The following BRCA1 variants were observed in gnomAD, a reference collection of about 807,000 sequenced individuals.
BRCA1 encodes the protein BRCA1 DNA repair associated.
BRCA1 carries 140 observed loss-of-function variants against 173.7 expected under a neutral mutation model. That is an observed-to-expected ratio of 0.81 (90% CI 0.70 to 0.93). The LOEUF is 0.93. Ranked by LOEUF, BRCA1 falls within the 40% of genes least tolerant of loss-of-function variation. The pLI is 0.00. For synonymous variants in BRCA1, 662 were observed against 756.0 expected, an observed-to-expected ratio of 0.88 and a Z score of 2.04; for missense variants, 1,983 against 2,172.5, an observed-to-expected ratio of 0.91 and a Z score of 1.73.
chr17:43,051,700 G>A (rs188741493), intron 19 of BRCA1, among the ~76,000 whole-genome samples: 6 of 151,080 alleles, frequency 4.0e-5, no homozygotes, highest in African/African-American at 1.2e-4. Context: ...GTAGTGGTGC[G>A]ATCTGGGCTC....
rs80357142 is a variant in BRCA1, at chr17:43,097,265, A to T, written c.572T>A (p.Val191Asp). Residue 191 changes from valine to aspartate, a missense_variant, in exon 8 of 23, where the codon GTT becomes GAT. By Grantham distance (152) the Val-to-Asp change is radical. Coordinates refer to ENST00000357654, the MANE Select transcript of BRCA1 (RefSeq NM_007294.4). Reference sequence around the variant, plus strand: ...TCACCTGCAATAAGTTGCCTTATTAACGGTATCTTCAGAAGAATCAGATCC... The same window carrying T: ...TCACCTGCAATAAGTTGCCTTATTATCGGTATCTTCAGAAGAATCAGATCC... ...ELGSDSSEDT[V>D]NKATYCSVGD... 1.2e-6 allele frequency: 2 copies of T among 1,613,882 alleles called. No individual in the cohort carries two copies. Among genetic ancestry groups the T allele is most frequent in the Non-Finnish European group, 1.7e-6 (2 of 1,179,870 alleles).
Position 43,051,086 on chromosome 17 carries a change from C to A in BRCA1, c.5309G>T (p.Gly1770Val), listed in dbSNP as rs863224765. ...ACCTGTGGGCATGTTGGTGAAGGGC[C>A]CATAGCAACAGATTTCTAGCCCCCT... Reference protein sequence around the residue: ...IFRGLEICCYGPFTNMPTDQL... With the variant: ...IFRGLEICCYVPFTNMPTDQL... The change falls in exon 20 of 23, where the codon GGG (glycine) becomes GTG (valine). Residue 1770 changes from glycine (G) to valine (V), a missense_variant. Transcript: ENST00000357654. 1.2e-6 allele frequency: 2 copies of A among 1,613,796 alleles called. No individual in the cohort carries two copies. The highest frequency in any genetic ancestry group is 1.1e-5 in the South Asian group (1 of 91,068).
chr17:43,127,154 C>G (rs189361338), upstream of BRCA1, among the ~76,000 whole-genome samples: 307 of 152,370 alleles, frequency 2.0e-3, 2 homozygotes, highest in African/African-American at 7.2e-3. Context: ...GGCACCGCCC[C>G]CTGCTCCTCA....
chr17:43,066,495 C>T (rs1350134762), intron 16 of BRCA1, among the ~76,000 whole-genome samples: 1 of 152,120 alleles, frequency 6.6e-6, no homozygotes, highest in African/African-American at 2.4e-5. Flanking sequence ...ACTGCAACCT[C>T]AGCCTCCAGA....
At position 43,071,012 on chromosome 17, in the gene BRCA1, C is replaced by T. The variant is rs746199881; in HGVS notation, c.4902G>A (p.Arg1634=). Residue 1634 remains arginine, a synonymous_variant, in exon 15 of 23, where the codon AGG becomes AGA. Transcript: ENST00000357654. ...GYNAMEESVS[R]EKPELTASTE... ...TTGAAGCTGTCAATTCTGGCTTCTC[C>T]CTGCTCACACTTTCTTCCATTGCAT... 1.2e-6 allele frequency: 2 copies of T among 1,614,202 alleles called. No homozygotes were observed. The highest frequency in any genetic ancestry group is 1.3e-5 in the African/African-American group (1 of 75,040).
chr17:43,154,856 G>A (rs2056186868), intron 1 of BRCA1, among the ~76,000 whole-genome samples: 1 of 151,782 alleles, frequency 6.6e-6, no homozygotes, highest in African/African-American at 2.4e-5. Context: ...AACAGGTAGT[G>A]TAATATGTAT....
intron 3 of BRCA1, among the ~76,000 whole-genome samples, chr17:43,115,169 A>G (rs1030163832): frequency 7.9e-5 from 12 of 152,202 alleles, no homozygotes; most frequent in African/African-American, 2.9e-4. Context: ...TGGACACAAA[A>G]AATACAAAAC....
At chr17:43,100,223 T>G (rs960972887) in intron 6 of BRCA1, among the ~76,000 whole-genome samples, 3 of 152,066 alleles carry the variant, frequency 2.0e-5, no homozygotes, top group African/African-American at 7.2e-5. Flanking sequence ...AATTTTTTTT[T>G]CTGTTGTCTT....
chr17:43,054,678 T>C lies in BRCA1; in HGVS notation c.5277+2374A>G, dbSNP rs528383360. Among the ~76,000 whole-genome samples, 28 of 152,066 alleles carry C rather than the reference T, an allele frequency of 1.8e-4. No individual in the cohort carries two copies. The South Asian group carries it at 5.4e-3, about 29-fold the overall frequency. The stretch of plus-strand genomic sequence containing the variant: ...CTAGTCTTGAACTCCTGGGCTCAAG[T>C]GATCCTCCTGCCTTGGCCTCCTAAA... On this transcript the variant is annotated intron_variant, in intron 19 of 22. Transcript: ENST00000357654.
intron 1 of BRCA1, chr17:43,153,590 CTCTT>C (rs1178275394): frequency 6.7e-6 from 1 of 148,888 alleles, no homozygotes; most frequent in African/African-American, 2.5e-5. Flanking sequence ...GGTAACTTAA[CTCTT>C]TGTTCAGGGC....
At chr17:43,079,816 T>G (rs1334520379) in intron 12 of BRCA1, 7 of 748,776 alleles carry the variant, frequency 9.3e-6, no homozygotes, top group Non-Finnish European at 1.6e-5. Context: ...ACCTTTGGAC[T>G]GTAAAAAAAA....
Position 43,091,943 on chromosome 17 carries a change from T to C in BRCA1, c.3588A>G (p.Thr1196=), listed in dbSNP as rs876658595. Residue 1196 remains threonine (T), a synonymous_variant, in exon 10 of 23, where the codon ACA becomes ACG. Coordinates refer to ENST00000357654, the MANE Select transcript of BRCA1 (RefSeq NM_007294.4). Reference sequence around the variant, plus strand: ...CTCTTCGGTAACCCTGAGCCAAATGTGTATGGGTGAAAGGGCTAGGACTCC... The same window carrying C: ...CTCTTCGGTAACCCTGAGCCAAATGCGTATGGGTGAAAGGGCTAGGACTCC... The part of the protein sequence containing the change: ...LSRSPSPFTH[T]HLAQGYRRGA... 3 of 1,614,002 alleles carry C rather than the reference T, an allele frequency of 1.9e-6. No homozygotes were observed. In the African/African-American group the frequency reaches 4.0e-5, roughly 22 times the overall value.
At chr17:43,052,780 AACACACAC>A (rs562562021) in intron 19 of BRCA1, among the ~76,000 whole-genome samples, 3 of 118,012 alleles carry the variant, frequency 2.5e-5, no homozygotes, top group African/African-American at 1.0e-4. Flanking sequence ...GACGGACAGA[AACACACAC>A]ACACACACAC....
At chr17:43,076,309 G>C (rs2052708143) in intron 13 of BRCA1, among the ~76,000 whole-genome samples, 179 bp downstream of exon 13, 1 of 151,888 alleles carries the variant, frequency 6.6e-6, no homozygotes, top group African/African-American at 2.4e-5. Context: ...TGTAGCTTAT[G>C]TTATAGGTTC....
intron 14 of BRCA1, 95 bp from the exon 15 acceptor site, chr17:43,071,333 AGGTT>A: frequency 7.1e-7 from 1 of 1,415,980 alleles, no homozygotes; most frequent in Admixed American, 1.8e-5. Context: ...CAATAAAGTT[AGGTT>A]AAGAGAAAAA....
At position 43,089,539 on chromosome 17, in the gene BRCA1, T is replaced by C. The variant is rs181649512; in HGVS notation, c.4185+1405A>G. 2.0e-5 allele frequency among the ~76,000 whole-genome samples: 3 copies of C among 147,558 alleles called. No homozygotes were observed. In the Admixed American group the frequency reaches 2.1e-4, roughly 10 times the overall value. On this transcript the variant is annotated intron_variant, in intron 11 of 22. Transcript: ENST00000357654. ...GACCATTAGGTCCAGAAAGTAAAAT[T>C]GTGTACTTTCTTTTTTTTTTTTTTT...
chr17:43,141,897 C>T (rs1360906457), intron 1 of BRCA1, among the ~76,000 whole-genome samples: 1 of 152,080 alleles, frequency 6.6e-6, no homozygotes, highest in South Asian at 2.1e-4. Context: ...CCCAGCAGTG[C>T]AAGGATCTCT....
At chr17:43,073,762 A>AT (rs1054442756) in intron 14 of BRCA1, among the ~76,000 whole-genome samples, 5 of 151,270 alleles carry the variant, frequency 3.3e-5, no homozygotes, top group Admixed American at 6.6e-5. Flanking sequence ...ATATATATAT[A>AT]TATATTTTTT....
chr17:43,114,067 A>G (rs1597909547), intron 3 of BRCA1, among the ~76,000 whole-genome samples: 1 of 142,814 alleles, frequency 7.0e-6, no homozygotes, highest in Non-Finnish European at 1.5e-5. Context: ...AGAGTGAAAC[A>G]CCATCTCAAA....
Sources: allele counts gnomAD v4.1 joint callset (sites outside exome capture counted in the v4.1 genomes callset), GRCh38; gene constraint gnomAD v4.1.1; transcripts MANE v1.5; gene names NCBI Gene and HGNC (gene_info 2026-07-23, HGNC 2026-07-21).